The following EXOSC7 variants were observed in gnomAD, a reference collection of about 807,000 sequenced individuals.
EXOSC7 encodes the protein exosome complex component RRP42.
EXOSC7 carries 25 observed loss-of-function variants against 34.3 expected under a neutral mutation model. The observed-to-expected ratio is 0.73, with a 90% CI of 0.53 to 1.02. EXOSC7 has a LOEUF of 1.02. Among genes scored for constraint, EXOSC7 ranks in the 50% least tolerant of loss-of-function variants. The probability of loss-of-function intolerance (pLI) is 0.00; values close to 1 mark genes in which losing one functional copy is unlikely to be tolerated. For synonymous variants in EXOSC7, 130 were observed against 143.0 expected (o/e 0.91, Z 0.65); for missense variants, 370 against 368.5 (o/e 1.00, Z -0.03).
At chr3:45,005,057 C>T in intron 5 of EXOSC7, 2 of 468,396 alleles carry the variant, frequency 4.3e-6, no homozygotes, top group South Asian at 3.3e-5. Flanking sequence ...TCTTTTTTTT[C>T]CATTGGGATA....
chr3:44,980,181 A>G (rs2125960817), intron 1 of EXOSC7, among the ~76,000 whole-genome samples: 1 of 152,260 alleles, frequency 6.6e-6, no homozygotes, highest in African/African-American at 2.4e-5. Context: ...CTGATCTGGT[A>G]TCTTCCACTG....
chr3:45,010,728 C>G (rs1406262880), intron 7 of EXOSC7, among the ~76,000 whole-genome samples: 1 of 152,232 alleles, frequency 6.6e-6, no homozygotes, highest in African/African-American at 2.4e-5. Context: ...CATCCAGGTA[C>G]TGACTTTGGT....
intron 1 of EXOSC7, among the ~76,000 whole-genome samples, chr3:44,985,184 G>A (rs760079291): frequency 3.3e-5 from 5 of 152,226 alleles, no homozygotes; most frequent in Non-Finnish European, 7.3e-5. Flanking sequence ...GTGAGGTTGG[G>A]AAGAGACACA....
At chr3:45,008,470 C>G (rs1707116793) in intron 7 of EXOSC7, among the ~76,000 whole-genome samples, 1 of 152,218 alleles carries the variant, frequency 6.6e-6, no homozygotes, top group African/African-American at 2.4e-5. Context: ...AAAATGAGCA[C>G]TGTATATAGC....
In EXOSC7 at chr3:45,007,471, C is replaced by A. The variant is rs764208920; in HGVS notation, c.667C>A (p.Leu223Met). ...DATLQEEACS[L>M]ASLLVSVTSK... is the part of the protein sequence containing the mutation. ...TACTCTTCAGGAGGAGGCCTGCTCG[C>A]TGGCCAGCTTGCTGGTGTCGGTGAC... Residue 223 changes from leucine to methionine, a missense_variant, in exon 7 of 8, where the codon CTG becomes ATG. Coordinates refer to ENST00000265564, the MANE Select transcript of EXOSC7 (RefSeq NM_015004.4). 1.2e-6 allele frequency: 2 copies of A among 1,614,192 alleles called. No homozygotes were observed. The highest frequency in any genetic ancestry group is 2.2e-5 in the South Asian group (2 of 91,082).
chr3:44,988,449 C>T (rs1706478611), intron 1 of EXOSC7, among the ~76,000 whole-genome samples: 2 of 152,192 alleles, frequency 1.3e-5, no homozygotes, highest in Non-Finnish European at 2.9e-5. Flanking sequence ...AAAGAGTCAG[C>T]AAACTTCCTG....
At chr3:45,008,267 G>T (rs1270591634) in intron 7 of EXOSC7, among the ~76,000 whole-genome samples, 2 of 152,176 alleles carry the variant, frequency 1.3e-5, no homozygotes, top group Non-Finnish European at 2.9e-5. Context: ...TTGACTGACT[G>T]AACTTCCAGG....
intron 1 of EXOSC7, among the ~76,000 whole-genome samples, chr3:44,976,585 T>C (rs1706038588): frequency 6.6e-6 from 1 of 152,208 alleles, no homozygotes; most frequent in African/African-American, 2.4e-5. Context: ...TTGGGCAGTC[T>C]CGGAGGCCTT....
At chr3:44,999,735 AG>A (rs1706823583) in intron 4 of EXOSC7, among the ~76,000 whole-genome samples, 1 of 152,182 alleles carries the variant, frequency 6.6e-6, no homozygotes, top group African/African-American at 2.4e-5. Flanking sequence ...TTAATGAATT[AG>A]AAAAGCATTT....
intron 4 of EXOSC7, among the ~76,000 whole-genome samples, chr3:44,997,562 G>T (rs369769190): frequency 6.6e-6 from 1 of 152,224 alleles, no homozygotes; most frequent in Admixed American, 6.5e-5. Context: ...GCCAGACAGA[G>T]TTCATGGGCA....
At chr3:45,011,482 T>G (rs1707212238), downstream of EXOSC7, 1 of 577,832 alleles carries the variant, frequency 1.7e-6, no homozygotes, top group Admixed American at 3.2e-5. Flanking sequence ...TGGTTTGGTA[T>G]GTCTAGAGTT....
At chr3:45,008,242 C>T (rs1707109582) in intron 7 of EXOSC7, among the ~76,000 whole-genome samples, 1 of 152,226 alleles carries the variant, frequency 6.6e-6, no homozygotes. Flanking sequence ...ATATCCACCT[C>T]ACCTTTCTGA....
At chr3:44,978,569 G>A (rs1485380528) in intron 1 of EXOSC7, among the ~76,000 whole-genome samples, 6 of 152,238 alleles carry the variant, frequency 3.9e-5, no homozygotes, top group Admixed American at 2.0e-4. Flanking sequence ...TGAATGCTAT[G>A]AAGGAAAAAA....
intron 3 of EXOSC7, 84 bp from the exon 4 acceptor site, chr3:44,997,003 C>A: frequency 1.4e-6 from 2 of 1,399,044 alleles, no homozygotes; most frequent in African/African-American, 1.4e-5. Flanking sequence ...CAGCATTCTA[C>A]AGGGAAACTG....
intron 3 of EXOSC7, among the ~76,000 whole-genome samples, chr3:44,993,875 A>G (rs964769450): frequency 2.0e-5 from 3 of 152,200 alleles, no homozygotes; most frequent in Non-Finnish European, 2.9e-5. Context: ...CTTGGTCAAC[A>G]TTCCTTGACT....
chr3:44,986,133 G>A (rs1706405675), intron 1 of EXOSC7, among the ~76,000 whole-genome samples: 1 of 151,742 alleles, frequency 6.6e-6, no homozygotes, highest in Non-Finnish European at 1.5e-5. Context: ...TCAGCCCTTG[G>A]GTGGTCGATG....
Position 44,989,676 on chromosome 3 carries a change from A to G in EXOSC7, c.254+32A>G, listed in dbSNP as rs765258418. The G allele has an allele frequency of 8.0e-6, 12 of 1,500,288 alleles. No individual in the cohort carries two copies. The Admixed American group carries it at 1.9e-4, about 24-fold the overall frequency. 92.9% of individuals were successfully genotyped at this position (1,500,288 alleles called of 1,614,324 possible). A position where few individuals can be genotyped will look rare whatever the true frequency, so the allele number is the denominator to read the frequency against. On this transcript the variant is annotated intron_variant, in intron 3 of 7. Transcript: ENST00000265564. ...ACTGTCTATGCAGATATTTCTAAAG[A>G]TAAATGATTTTAAAGATGAAGATTC...
intron 3 of EXOSC7, among the ~76,000 whole-genome samples, chr3:44,996,882 A>C (rs1233704842): frequency 6.6e-6 from 1 of 152,196 alleles, no homozygotes; most frequent in African/African-American, 2.4e-5. Context: ...ACACTGACAA[A>C]TCCAGGTCAC....
intron 1 of EXOSC7, among the ~76,000 whole-genome samples, chr3:44,988,260 G>GC (rs1311713212): frequency 6.6e-6 from 1 of 152,168 alleles, no homozygotes; most frequent in Non-Finnish European, 1.5e-5. Flanking sequence ...ACCCAAAGAA[G>GC]CCCCCAGTGG....
Sources: gnomAD v4.1 joint callset for allele counts (sites outside exome capture counted in the v4.1 genomes callset) on GRCh38, gnomAD v4.1.1 for gene constraint, MANE v1.5 for transcripts, NCBI Gene and HGNC (gene_info 2026-07-23, HGNC 2026-07-21) for gene names.